Variants in DIPK1B observed in about 807,000 individuals in gnomAD.
DIPK1B encodes the protein divergent protein kinase domain 1B.
A neutral mutation model predicts 20.7 loss-of-function variants in DIPK1B; 17 were observed. The ratio of observed to expected loss-of-function variants is 0.82; its 90% CI spans 0.56 to 1.23. The LOEUF (loss-of-function observed/expected upper bound fraction) is 1.23, where lower values mean the gene tolerates loss of function less well. DIPK1B is among the 50% of genes most tolerant of loss of function. DIPK1B has a pLI of 0.00. For synonymous variants in DIPK1B, 343 were observed against 276.5 expected (o/e 1.24, Z -2.39); for missense variants, 648 against 601.8 (o/e 1.08, Z -0.80).
rs899739671 is a variant in DIPK1B at position 136,724,402 on chromosome 9, C to G, written c.*628C>G. On this transcript the variant is annotated 3_prime_UTR_variant, in exon 5 of 5. Coordinates refer to ENST00000371692, the MANE Select transcript of DIPK1B (RefSeq NM_152421.4). ...TTACAAAATCCAGCCATGAGATGTA[C>G]AACTCATTCCCTAGGAAACAGCCCA... Among the ~76,000 whole-genome samples the G allele has an allele frequency of 1.3e-5, 2 of 152,190 alleles. No individual in the cohort carries two copies. The highest frequency in any genetic ancestry group is 4.8e-5 in the African/African-American group (2 of 41,438).
At chr9:136,722,079 G>A (rs774010545) in intron 3 of DIPK1B, 46 bp from the exon 4 acceptor site, 23 of 1,613,446 alleles carry the variant, frequency 1.4e-5, no homozygotes, top group Non-Finnish European at 1.9e-5. Context: ...TGCCCGTGCA[G>A]TGGGAGGGGG....
chr9:136,723,399 C>T lies in DIPK1B; in HGVS notation c.921C>T (p.Ala307=), dbSNP rs750730627. The T allele has an allele frequency of 7.8e-5, 126 of 1,612,918 alleles. No individual in the cohort carries two copies. Among genetic ancestry groups the T allele is most frequent in the Non-Finnish European group, 1.1e-4 (125 of 1,179,714 alleles). ...CACTGGCCAACGTGGGCTACACAGC[C>T]ACCTACGACTTCAAGATGGCCGACC... ...ETTLANVGYT[A]TYDFKMADLQ... is the part of the protein sequence containing the mutation. The change falls in exon 5 of 5, where the codon GCC becomes GCT. Residue 307 remains alanine, a synonymous_variant. Coordinates refer to ENST00000371692, the MANE Select transcript of DIPK1B (RefSeq NM_152421.4).
rs887424808 is a variant in DIPK1B, at chr9:136,712,594, T to TGCGGG, written c.-71_-67dup. On this transcript the variant is annotated 5_prime_UTR_variant, in exon 1 of 5. The change abolishes the stop of an existing upstream ORF in the 5' untranslated region. Coordinates refer to ENST00000371692, the MANE Select transcript of DIPK1B (RefSeq NM_152421.4). This position sits in a 1 kb window ranked among gnomAD's most constrained non-coding sequence, Gnocchi z 5.6. ...CGCATGGCGAGGGAGCGGCGGCCGC[T>TGCGGG]GCGGGCCGGGCCGGGCCGGGGCTGA... 2.8e-6 allele frequency: 2 copies of TGCGGG among 724,822 alleles called. No individual in the cohort carries two copies. Among genetic ancestry groups the TGCGGG allele is most frequent in the Non-Finnish European group, 3.4e-6 (2 of 594,642 alleles). The allele number at this position is 724,822 out of a possible 1,614,324, so 44.9% of individuals were successfully genotyped here.
intron 2 of DIPK1B, among the ~76,000 whole-genome samples, chr9:136,719,603 CG>C (rs749598847): frequency 5.3e-5 from 8 of 152,214 alleles, no homozygotes; most frequent in Non-Finnish European, 1.0e-4. Flanking sequence ...GTGAGGGGAC[CG>C]ATGTGCGGCA....
intron 1 of DIPK1B, among the ~76,000 whole-genome samples, chr9:136,715,743 A>G (rs1246987687): frequency 6.6e-6 from 1 of 151,352 alleles, no homozygotes; most frequent in Non-Finnish European, 1.5e-5. Context: ...CCAACTCCCG[A>G]CCTCAGGTGA....
At chr9:136,717,543 A>G (rs1478546325) in intron 1 of DIPK1B, 34 bp from the exon 2 acceptor site, 1 of 1,589,004 alleles carries the variant, frequency 6.3e-7, no homozygotes, top group East Asian at 2.2e-5. Flanking sequence ...GGGTGCCCCG[A>G]GGGCACCTCC....
At chr9:136,722,761 A>C (rs1846628261) in intron 4 of DIPK1B, 1 of 633,090 alleles carries the variant, frequency 1.6e-6, no homozygotes, top group South Asian at 2.0e-5. Flanking sequence ...GTCTGGCAGC[A>C]GCCACACAGG....
chr9:136,714,627 G>A (rs1231348991), intron 1 of DIPK1B, among the ~76,000 whole-genome samples: 1 of 152,208 alleles, frequency 6.6e-6, no homozygotes, highest in East Asian at 1.9e-4. Flanking sequence ...ACCCCCCATT[G>A]TTTCTCTGCT....
chr9:136,722,710 C>T, intron 4 of DIPK1B: 2 of 588,646 alleles, frequency 3.4e-6, no homozygotes, highest in Non-Finnish European at 6.0e-6. Flanking sequence ...CACCCCCGAG[C>T]TCCCCAGGTG....
At chr9:136,719,941 G>A (rs13290940) in intron 2 of DIPK1B, among the ~76,000 whole-genome samples, 17 of 37,148 alleles carry the variant, frequency 4.6e-4, no homozygotes, top group African/African-American at 6.1e-4. Flanking sequence ...TGGGGCTCCG[G>A]GTGCAGGGGG....
Position 136,722,004 on chromosome 9 carries a change from C to T in DIPK1B, c.282C>T (p.Cys94=), listed in dbSNP as rs777065319. The T allele has an allele frequency of 6.2e-7, 1 of 1,613,436 alleles. No homozygotes were observed. The highest frequency in any genetic ancestry group is 1.3e-5 in the African/African-American group (1 of 75,034). ...CELHMVEWRT[C]LSVAPGQQVY... Reference sequence around the variant, plus strand: ...TGCATATGGTGGAGTGGAGGACCTGCCTCTCGGTGGCCCCGGGCCAGCAGG... The same window carrying T: ...TGCATATGGTGGAGTGGAGGACCTGTCTCTCGGTGGCCCCGGGCCAGCAGG... The change falls in exon 3 of 5, where the codon TGC becomes TGT. Residue 94 remains cysteine, a synonymous_variant. Transcript: ENST00000371692.
chr9:136,720,193 G>A (rs932007677), intron 2 of DIPK1B, among the ~76,000 whole-genome samples: 4 of 152,162 alleles, frequency 2.6e-5, no homozygotes, highest in African/African-American at 9.7e-5. Context: ...GGTTGGACAA[G>A]TGTGCAGTTT....
intron 1 of DIPK1B, among the ~76,000 whole-genome samples, chr9:136,714,045 A>G (rs745973001): frequency 2.6e-5 from 4 of 152,092 alleles, no homozygotes; most frequent in Non-Finnish European, 2.9e-5. Context: ...CTCCACACTC[A>G]AGCTTTGCCC....
chr9:136,721,764 G>GT, intron 2 of DIPK1B, 157 bp from the exon 3 acceptor site: 1 of 652,966 alleles, frequency 1.5e-6, no homozygotes, highest in Non-Finnish European at 2.6e-6. Flanking sequence ...AGCCACCAAT[G>GT]GCATGACCCA....
rs368890305 is a variant in DIPK1B, at chr9:136,723,260, A to G, written c.782A>G (p.Gln261Arg). The change falls in exon 5 of 5, where the codon CAG becomes CGG. Residue 261 changes from glutamine (Q) to arginine (R), a missense_variant. By Grantham distance (43) the Gln-to-Arg change is conservative. Transcript: ENST00000371692. The stretch of plus-strand genomic sequence containing the variant: ...CCGCCTGCCCTGCAGGGTGCTCTCC[A>G]GCAGTGGCTGGGGCCTGCGTGGCCT... The part of the protein sequence containing the change: ...LLPPALQGAL[Q>R]QWLGPAWPWR... 6 of 1,612,574 alleles carry G rather than the reference A, an allele frequency of 3.7e-6. No individual in the cohort carries two copies. Among genetic ancestry groups the G allele is most frequent in the African/African-American group, 1.3e-5 (1 of 74,928 alleles).
chr9:136,723,198 C>T lies in DIPK1B; in HGVS notation c.720C>T (p.His240=), dbSNP rs559405837. 2.4e-5 allele frequency: 38 copies of T among 1,612,534 alleles called. No individual in the cohort carries two copies. Among genetic ancestry groups the T allele is most frequent in the South Asian group, 5.5e-5 (5 of 91,070 alleles). The change falls in exon 5 of 5, where the codon CAC becomes CAT. Residue 240 remains histidine, a synonymous_variant. Coordinates refer to ENST00000371692, the MANE Select transcript of DIPK1B (RefSeq NM_152421.4). Reference sequence around the variant, plus strand: ...AGGGCGTGCCGCATGGCGCCTGGCACGCGGCCGCCCTTCCACCCCTGTTGC... The same window carrying T: ...AGGGCGTGCCGCATGGCGCCTGGCATGCGGCCGCCCTTCCACCCCTGTTGC... ...LTEGVPHGAW[H]AAALPPLLRP...
chr9:136,716,945 T>C (rs1846505573), intron 1 of DIPK1B, among the ~76,000 whole-genome samples: 1 of 152,012 alleles, frequency 6.6e-6, no homozygotes, highest in Non-Finnish European at 1.5e-5. Flanking sequence ...ATATCTTCAT[T>C]CGGCCAGGCA....
At position 136,716,640 on chromosome 9, in the gene DIPK1B, A is replaced by G. The variant is rs1014186290; in HGVS notation, c.64-937A>G. Among the ~76,000 whole-genome samples, 9 of 151,840 alleles carry G rather than the reference A, an allele frequency of 5.9e-5. No individual in the cohort carries two copies. In the South Asian group the frequency reaches 6.2e-4, roughly 11 times the overall value. ...GGTCTCAAACTCCTGGGCTCAAGCA[A>G]TCTGCCCGCCTCAGCCTCCCCGAGT... On this transcript the variant is annotated intron_variant, in intron 1 of 4. Transcript: ENST00000371692.
intron 2 of DIPK1B, among the ~76,000 whole-genome samples, chr9:136,719,996 T>C (rs1227392313): frequency 3.1e-5 from 4 of 131,052 alleles, no homozygotes; most frequent in African/African-American, 9.3e-5. Flanking sequence ...TCTGGGGCTC[T>C]GGGTTCAGGG....
Sources: gnomAD v4.1 joint callset for allele counts (sites outside exome capture counted in the v4.1 genomes callset) on GRCh38, gnomAD v4.1.1 for gene constraint, Gnocchi (gnomAD v3.1) non-coding constraint, MANE v1.5 for transcripts, NCBI Gene and HGNC (gene_info 2026-07-23, HGNC 2026-07-21) for gene names.